NBN: variants seen among roughly 807,000 people sequenced by gnomAD.
The protein encoded by NBN is Nijmegen breakage syndrome 1 (nibrin).
A neutral mutation model predicts 90.8 loss-of-function variants in NBN; 88 were observed. That is an observed-to-expected ratio of 0.97 (90% CI 0.82 to 1.16). The LOEUF (loss-of-function observed/expected upper bound fraction) is 1.16, where lower values mean the gene tolerates loss of function less well. NBN is among the 50% of genes most tolerant of loss of function. NBN has a pLI of 0.00. For synonymous variants in NBN, 328 were observed against 295.1 expected (o/e 1.11, Z -1.14); for missense variants, 894 against 869.6 (o/e 1.03, Z -0.35).
chr8:89,938,717 AG>A (rs1202519673), intron 14 of NBN, among the ~76,000 whole-genome samples: 2 of 152,198 alleles, frequency 1.3e-5, no homozygotes, highest in African/African-American at 4.8e-5. Flanking sequence ...AGTGACTTGC[AG>A]GGATTCGATC....
intron 2 of NBN, chr8:89,982,075 A>G: frequency 1.9e-6 from 1 of 512,962 alleles, no homozygotes; most frequent in South Asian, 2.0e-5. Flanking sequence ...TTTGATTAAA[A>G]TAATGGCTCA....
chr8:89,967,604 A>G (rs1811315640), intron 7 of NBN, among the ~76,000 whole-genome samples: 1 of 152,226 alleles, frequency 6.6e-6, no homozygotes, highest in Non-Finnish European at 1.5e-5. Context: ...GAAAAGCAGG[A>G]GGAAATAAAG....
chr8:89,984,451 A>C, intron 1 of NBN, 74 bp downstream of exon 1: 1 of 1,406,160 alleles, frequency 7.1e-7, no homozygotes, highest in Non-Finnish European at 1.0e-6. Context: ...GCGACGCAGG[A>C]ATCACCCGCA....
intron 10 of NBN, 128 bp downstream of exon 10, chr8:89,955,155 G>A (rs906701914): frequency 1.6e-5 from 14 of 867,432 alleles, no homozygotes; most frequent in Non-Finnish European, 2.2e-5. Context: ...GAGAGGGAAA[G>A]CGGTCAAAAA....
intron 5 of NBN, among the ~76,000 whole-genome samples, chr8:89,976,727 G>C (rs1811777134): frequency 6.6e-6 from 1 of 152,130 alleles, no homozygotes; most frequent in African/African-American, 2.4e-5. Context: ...CTGTCGCTGG[G>C]TCAGGGTCTG....
chr8:89,947,822 A>C lies in NBN; in HGVS notation c.1914+2T>G, dbSNP rs2129659522. The C allele has an allele frequency of 6.5e-7, 1 of 1,549,048 alleles. No individual in the cohort carries two copies. The highest frequency in any genetic ancestry group is 8.9e-7 in the Non-Finnish European group (1 of 1,126,396). On this transcript the variant is annotated splice_donor_variant, in intron 12 of 15. Coordinates refer to ENST00000265433, the MANE Select transcript of NBN (RefSeq NM_002485.5). LOFTEE classifies it high-confidence loss of function. ...TATAAAAATTAATAAAACGTTTCTC[A>C]CAGATATTTCTTTAGCTGACCATAG... is the stretch of plus-strand genomic sequence containing the variant.
At chr8:89,950,485 G>C (rs1475514878) in intron 11 of NBN, among the ~76,000 whole-genome samples, 2 of 151,896 alleles carry the variant, frequency 1.3e-5, no homozygotes, top group African/African-American at 4.8e-5. Context: ...ATCACAGGTT[G>C]GTAAAATCAG....
intron 9 of NBN, among the ~76,000 whole-genome samples, chr8:89,958,172 T>A (rs1810816497): frequency 6.6e-6 from 1 of 152,102 alleles, no homozygotes. Flanking sequence ...GCTCAGGCGG[T>A]AATGCAAGCA....
At chr8:89,943,212 G>A (rs750848911) in intron 14 of NBN, 41 bp downstream of exon 14, 99 of 1,610,276 alleles carry the variant, frequency 6.1e-5, no homozygotes, top group Admixed American at 1.0e-4. Context: ...ATGGACCAAA[G>A]TGCAATTTAA....
rs1809561820 is a variant in NBN, at chr8:89,934,217, C to T, written c.*1365G>A. On this transcript the variant is annotated 3_prime_UTR_variant, in exon 16 of 16. Transcript: ENST00000265433. ...GACTCAAATGACTCCATTTCATCAA[C>T]TAATATGCCCTGTCAATTCTACTTC... The T allele has an allele frequency of 8.6e-6, 2 of 231,542 alleles. No homozygotes were observed. Among genetic ancestry groups the T allele is most frequent in the East Asian group, 1.2e-4 (2 of 16,302 alleles). The allele number at this position is 231,542 out of a possible 1,614,324, so 14.3% of individuals were successfully genotyped here.
At chr8:89,948,391 A>G (rs1406584669) in intron 11 of NBN, among the ~76,000 whole-genome samples, 1 of 152,254 alleles carries the variant, frequency 6.6e-6, no homozygotes, top group Non-Finnish European at 1.5e-5. Flanking sequence ...ATTCAAGTTT[A>G]CAATAGTATC....
intron 10 of NBN, 104 bp downstream of exon 10, chr8:89,955,179 A>C (rs573616460): frequency 1.8e-5 from 20 of 1,141,378 alleles, no homozygotes; most frequent in South Asian, 1.7e-4. Context: ...GCAGCAGCAG[A>C]AGCATACTTA....
chr8:89,979,881 G>C (rs1811972287), intron 4 of NBN, among the ~76,000 whole-genome samples: 1 of 152,176 alleles, frequency 6.6e-6, no homozygotes, highest in African/African-American at 2.4e-5. Context: ...AACCAAGCTA[G>C]TGTATGATTA....
intron 1 of NBN, among the ~76,000 whole-genome samples, chr8:89,983,229 C>A: frequency 6.6e-6 from 1 of 152,018 alleles, no homozygotes; most frequent in Non-Finnish European, 1.5e-5. Context: ...TAATGTATTA[C>A]CTAGCAACAA....
intron 12 of NBN, chr8:89,946,567 G>A (rs1486916285): frequency 5.4e-6 from 2 of 368,212 alleles, no homozygotes; most frequent in East Asian, 6.3e-5. Flanking sequence ...TTTTAACCTA[G>A]TAGTTATTCT....
In NBN at chr8:89,934,712, C is replaced by A. The variant is rs1052355183; in HGVS notation, c.*870G>T. 3.0e-5 allele frequency: 7 copies of A among 233,066 alleles called. No homozygotes were observed. The highest frequency in any genetic ancestry group is 5.1e-5 in the Non-Finnish European group (6 of 118,002). The allele number at this position is 233,066 out of a possible 1,614,324, so 14.4% of individuals were successfully genotyped here. On this transcript the variant is annotated 3_prime_UTR_variant, in exon 16 of 16. Coordinates refer to ENST00000265433, the MANE Select transcript of NBN (RefSeq NM_002485.5). ...ACAGGTACATGAATATATTTTTGAA[C>A]ACAGACTTGAAAATCACTTGTCAAT...
intron 5 of NBN, among the ~76,000 whole-genome samples, chr8:89,974,139 A>G (rs976775461): frequency 2.0e-5 from 3 of 152,092 alleles, no homozygotes; most frequent in African/African-American, 7.2e-5. Context: ...TTCTGGCTCT[A>G]GAAACTGTAT....
chr8:89,980,794 T>C lies in NBN; in HGVS notation c.420A>G (p.Val140=), dbSNP rs767296279. Residue 140 remains valine (V), a synonymous_variant, in exon 4 of 16, where the codon GTA becomes GTG. Transcript: ENST00000265433. ...GAGTGCATTCTTCTGTCCAATTGTT[T>C]ACAGTAAATCCTCCAAGTTGCAATA... The part of the protein sequence containing the change: ...QAILQLGGFT[V]NNWTEECTHL... The C allele has an allele frequency of 1.9e-6, 3 of 1,613,492 alleles. No individual in the cohort carries two copies. Among genetic ancestry groups the C allele is most frequent in the Non-Finnish European group, 2.5e-6 (3 of 1,179,672 alleles).
intron 7 of NBN, among the ~76,000 whole-genome samples, chr8:89,969,690 G>A (rs560577204): frequency 1.2e-4 from 19 of 152,220 alleles, no homozygotes; most frequent in Middle Eastern, 3.4e-3. Flanking sequence ...AGTAGCTCAC[G>A]CCTGTAATCC....
Sources: gnomAD v4.1 joint callset for allele counts (sites outside exome capture counted in the v4.1 genomes callset) on GRCh38, gnomAD v4.1.1 for gene constraint, MANE v1.5 for transcripts, NCBI Gene and HGNC (gene_info 2026-07-23, HGNC 2026-07-21) for gene names.